RB1: variants seen among roughly 807,000 people sequenced by gnomAD.
RB1 encodes the protein RB transcriptional corepressor 1, also known as retinoblastoma-associated protein.
Under a neutral mutation model 135.4 loss-of-function variants are expected in RB1, and 18 were observed. The observed-to-expected ratio is 0.13, with a 90% CI of 0.09 to 0.20. RB1 has a LOEUF of 0.20. Among genes scored for constraint, RB1 ranks in the 10% least tolerant of loss-of-function variants. The probability of loss-of-function intolerance (pLI) is 1.00; values close to 1 mark genes in which losing one functional copy is unlikely to be tolerated. For synonymous variants in RB1, 365 were observed against 373.2 expected, an observed-to-expected ratio of 0.98 and a Z score of 0.25; for missense variants, 868 against 1,110.0, an observed-to-expected ratio of 0.78 and a Z score of 3.10.
At chr13:48,337,087 G>A (rs1347184561) in intron 2 of RB1, among the ~76,000 whole-genome samples, 1 of 152,148 alleles carries the variant, frequency 6.6e-6, no homozygotes, top group Non-Finnish European at 1.5e-5. Flanking sequence ...TTGCTGAGGA[G>A]AGCTTTACTT....
At chr13:48,380,707 A>C (rs1198148726) in intron 16 of RB1, among the ~76,000 whole-genome samples, 1 of 152,218 alleles carries the variant, frequency 6.6e-6, no homozygotes, top group Non-Finnish European at 1.5e-5. Context: ...ATTATGTTGC[A>C]AATGTTAAAA....
chr13:48,374,228 T>C (rs1015174317), intron 12 of RB1, among the ~76,000 whole-genome samples: 2 of 152,170 alleles, frequency 1.3e-5, no homozygotes, highest in African/African-American at 2.4e-5. Flanking sequence ...AGGCATCTGA[T>C]ACCCTCTCTC....
At chr13:48,357,485 C>T (rs1952603097) in intron 6 of RB1, among the ~76,000 whole-genome samples, 3 of 151,746 alleles carry the variant, frequency 2.0e-5, no homozygotes, top group African/African-American at 7.3e-5. Flanking sequence ...ACGAATTATT[C>T]AATAATATGT....
chr13:48,383,809 G>T (rs2138148966), intron 17 of RB1, among the ~76,000 whole-genome samples: 1 of 152,146 alleles, frequency 6.6e-6, no homozygotes, highest in Non-Finnish European at 1.5e-5. Flanking sequence ...TAAGCACATA[G>T]AGTACTTTTT....
At chr13:48,443,823 G>GA (rs1949261526) in intron 17 of RB1, among the ~76,000 whole-genome samples, 1 of 151,546 alleles carries the variant, frequency 6.6e-6, no homozygotes, top group Non-Finnish European at 1.5e-5. Flanking sequence ...TTTTCTTTTG[G>GA]AAAAAAGATA....
intron 3 of RB1, among the ~76,000 whole-genome samples, chr13:48,343,288 T>C (rs1054170410): frequency 6.6e-6 from 1 of 152,154 alleles, no homozygotes; most frequent in African/African-American, 2.4e-5. Flanking sequence ...TCAGAAAGTA[T>C]CCAGGACTTC....
intron 2 of RB1, among the ~76,000 whole-genome samples, chr13:48,338,212 T>G (rs866607237): frequency 2.0e-5 from 3 of 152,192 alleles, no homozygotes; most frequent in African/African-American, 7.2e-5. Flanking sequence ...TTTCCTGAAT[T>G]TGAATGTTGG....
At chr13:48,381,133 A>C (rs1948531663) in intron 16 of RB1, 114 bp from the exon 17 acceptor site, 1 of 1,397,746 alleles carries the variant, frequency 7.2e-7, no homozygotes, top group East Asian at 2.5e-5. Flanking sequence ...TCTGCTCTAA[A>C]TAAAAATGGT....
chr13:48,450,260 G>A lies in RB1; in HGVS notation c.1696-2733G>A, dbSNP rs541599315. ...TTCTTCTAGGATTTTTAGAGTTTTC[G>A]GTTTTACATTTAAGTCTTTAATTCA... On this transcript the variant is annotated intron_variant, in intron 17 of 26. Coordinates refer to ENST00000267163, the MANE Select transcript of RB1 (RefSeq NM_000321.3). 1.2e-3 allele frequency among the ~76,000 whole-genome samples: 188 copies of A among 151,926 alleles called. 3 individuals carry two copies. Among genetic ancestry groups the A allele is most frequent in the Middle Eastern group, 3.4e-3 (1 of 294 alleles).
In RB1 at chr13:48,385,614, G is replaced by A. The variant is rs79825737; in HGVS notation, c.1695+4171G>A. On this transcript the variant is annotated intron_variant, in intron 17 of 26. Transcript: ENST00000267163. Reference sequence around the variant, plus strand: ...AAGAGAGTGGAAGAATCCTGCAAGGGAAAGAGCCAAGAAAGGGTACCCAGA... The same window carrying A: ...AAGAGAGTGGAAGAATCCTGCAAGGAAAAGAGCCAAGAAAGGGTACCCAGA... Among the ~76,000 whole-genome samples, 1,513 of 152,234 alleles carry A rather than the reference G, an allele frequency of 9.9e-3. 36 individuals carry two copies. The highest frequency in any genetic ancestry group is 0.035 in the African/African-American group (1,435 of 41,538).
chr13:48,400,279 A>G (rs936586627), intron 17 of RB1, among the ~76,000 whole-genome samples: 17 of 152,126 alleles, frequency 1.1e-4, no homozygotes, highest in Admixed American at 9.2e-4. Context: ...GTATTAACTC[A>G]TAACTTCTCA....
intron 3 of RB1, 142 bp from the exon 4 acceptor site, chr13:48,344,938 A>G: frequency 9.5e-7 from 1 of 1,054,650 alleles, no homozygotes; most frequent in Non-Finnish European, 1.3e-6. Context: ...ATTTTTGCAA[A>G]AAGTAATTCC....
At chr13:48,466,028 G>T (rs1050500536) in intron 23 of RB1, among the ~76,000 whole-genome samples, 225 of 149,984 alleles carry the variant, frequency 1.5e-3, no homozygotes, top group African/African-American at 5.0e-3. Context: ...CAAAGCAGCC[G>T]GGAAGCTCGA....
intron 17 of RB1, among the ~76,000 whole-genome samples, chr13:48,393,004 A>G (rs1948622651): frequency 6.6e-6 from 1 of 152,108 alleles, no homozygotes; most frequent in East Asian, 1.9e-4. Flanking sequence ...TTTAATCAAT[A>G]GCCGATTTTC....
chr13:48,320,204 C>A, intron 2 of RB1: 1 of 962,982 alleles, frequency 1.0e-6, no homozygotes, highest in East Asian at 2.5e-5. Flanking sequence ...GCAGGCAATG[C>A]GGGCTGCTCC....
chr13:48,304,016 AG>A lies in RB1; in HGVS notation c.106del (p.Asp36ThrfsTer29), dbSNP rs1131690913. On this transcript the variant is annotated frameshift_variant, in exon 1 of 27. Transcript: ENST00000267163. LOFTEE classifies it high-confidence loss of function. ...CCCCCTCCTGAGGAGGACCCAGAGC[AG>A]GACAGCGGCCCGGAGGACCTGCCTC... ...PPPPPEEDPE[Q>X]DSGPEDLPLV... The A allele has an allele frequency of 6.8e-7, 1 of 1,472,890 alleles. No homozygotes were observed. The highest frequency in any genetic ancestry group is 8.9e-7 in the Non-Finnish European group (1 of 1,120,440). 91.2% of individuals were successfully genotyped at this position (1,472,890 alleles called of 1,614,324 possible). A position where few individuals can be genotyped will look rare whatever the true frequency, so the allele number is the denominator to read the frequency against.
chr13:48,347,747 T>A, intron 4 of RB1, 78 bp from the exon 5 acceptor site: 1 of 940,656 alleles, frequency 1.1e-6, no homozygotes, highest in Non-Finnish European at 1.7e-6. Flanking sequence ...TAAAAGAAGA[T>A]AAATAAAGCA....
intron 4 of RB1, among the ~76,000 whole-genome samples, chr13:48,346,869 A>G (rs1043499099): frequency 2.6e-5 from 4 of 152,114 alleles, no homozygotes; most frequent in African/African-American, 9.6e-5. Context: ...TTACCTTTCT[A>G]GTAAACAAAG....
rs138961507 is a variant in RB1, at chr13:48,403,630, A to G, written c.1695+22187A>G. Among the ~76,000 whole-genome samples the G allele has an allele frequency of 3.4e-3, 517 of 152,256 alleles. 7 individuals carry two copies. Among genetic ancestry groups the G allele is most frequent in the African/African-American group, 0.012 (502 of 41,548 alleles). ...AAAGTGCTGTTTGGCAATGGTCCTC[A>G]AACTTGAGCATGCATCAAAATTACC... On this transcript the variant is annotated intron_variant, in intron 17 of 26. Coordinates refer to ENST00000267163, the MANE Select transcript of RB1 (RefSeq NM_000321.3).
Sources: allele counts gnomAD v4.1 joint callset (sites outside exome capture counted in the v4.1 genomes callset), GRCh38; gene constraint gnomAD v4.1.1; transcripts MANE v1.5; gene names NCBI Gene and HGNC (gene_info 2026-07-23, HGNC 2026-07-21).